AFG2A: variants seen among roughly 807,000 people sequenced by gnomAD.
AFG2A encodes the protein ATPase family gene 2 protein homolog A.
the AFG2A span, among the ~76,000 whole-genome samples, chr4:122,968,208 T>A: frequency 6.6e-6 from 1 of 152,234 alleles, no homozygotes; most frequent in African/African-American, 2.4e-5. Flanking sequence ...TCAATGTTAT[T>A]TAAACCAGCT....
the AFG2A span, among the ~76,000 whole-genome samples, chr4:123,065,865 G>A: frequency 6.6e-6 from 1 of 152,048 alleles, no homozygotes; most frequent in Non-Finnish European, 1.5e-5. Flanking sequence ...TTAGGAGATA[G>A]GGAAATGATT....
At chr4:123,136,681 A>AT in the AFG2A span, among the ~76,000 whole-genome samples, 6 of 151,326 alleles carry the variant, frequency 4.0e-5, no homozygotes, top group African/African-American at 1.5e-4. Context: ...TCTCAAAAAA[A>AT]AAAAATATAT....
the AFG2A span, among the ~76,000 whole-genome samples, chr4:122,972,616 A>G: frequency 6.7e-6 from 1 of 149,960 alleles, no homozygotes; most frequent in Admixed American, 6.7e-5. Flanking sequence ...ACAGATTTTC[A>G]TATTATATTT....
the AFG2A span, among the ~76,000 whole-genome samples, chr4:123,287,304 G>C: frequency 2.0e-5 from 3 of 152,082 alleles, no homozygotes; most frequent in African/African-American, 7.2e-5. Context: ...TTTGTGGAAG[G>C]CTGGCCAAGA....
chr4:123,160,972 T>C, the AFG2A span, among the ~76,000 whole-genome samples: 1 of 152,206 alleles, frequency 6.6e-6, no homozygotes, highest in East Asian at 1.9e-4. Context: ...CTCTCAAAAT[T>C]TCTTATTGTA....
the AFG2A span, chr4:123,090,718 G>T: frequency 6.2e-7 from 1 of 1,604,144 alleles, no homozygotes; most frequent in African/African-American, 1.3e-5. Flanking sequence ...AAGAGAGAAG[G>T]CATTGTGGAT....
the AFG2A span, among the ~76,000 whole-genome samples, chr4:122,950,938 G>C: frequency 6.6e-6 from 1 of 152,196 alleles, no homozygotes; most frequent in African/African-American, 2.4e-5. Context: ...ATAGTGGCAG[G>C]CTCCAATTCT....
chr4:123,046,983 T>C, the AFG2A span, among the ~76,000 whole-genome samples: 2 of 152,224 alleles, frequency 1.3e-5, no homozygotes, highest in African/African-American at 4.8e-5. Context: ...ATTTTTTTAA[T>C]GGCTAAATAA....
chr4:123,155,507 G>A, the AFG2A span, among the ~76,000 whole-genome samples: 1 of 151,610 alleles, frequency 6.6e-6, no homozygotes, highest in Admixed American at 6.6e-5. Context: ...ATATGCAATT[G>A]GCCTTGTGTA....
the AFG2A span, among the ~76,000 whole-genome samples, chr4:123,186,911 A>T: frequency 6.6e-6 from 1 of 152,124 alleles, no homozygotes; most frequent in Non-Finnish European, 1.5e-5. Flanking sequence ...AGCTCTAATG[A>T]ATGCCACTAC....
At chr4:123,264,962 A>G in the AFG2A span, among the ~76,000 whole-genome samples, 3 of 152,148 alleles carry the variant, frequency 2.0e-5, no homozygotes, top group Admixed American at 1.3e-4. Context: ...CAGTCTGTCC[A>G]GAAAGCTGGG....
At chr4:123,232,983 C>T in the AFG2A span, among the ~76,000 whole-genome samples, 1 of 151,964 alleles carries the variant, frequency 6.6e-6, no homozygotes, top group Non-Finnish European at 1.5e-5. Flanking sequence ...AAGAAGACAC[C>T]AAACCGACCA....
At chr4:123,257,491 A>AT in the AFG2A span, among the ~76,000 whole-genome samples, 1 of 152,200 alleles carries the variant, frequency 6.6e-6, no homozygotes, top group Non-Finnish European at 1.5e-5. Context: ...GTTGAGGAGT[A>AT]TTTGTATTTG....
At chr4:123,078,066 A>G in the AFG2A span, among the ~76,000 whole-genome samples, 2 of 152,228 alleles carry the variant, frequency 1.3e-5, no homozygotes, top group East Asian at 1.9e-4. Context: ...CGATTCCGTT[A>G]AAAGCAGGGA....
the AFG2A span, among the ~76,000 whole-genome samples, chr4:123,193,226 G>A: frequency 6.6e-6 from 1 of 152,156 alleles, no homozygotes; most frequent in Non-Finnish European, 1.5e-5. Context: ...ATTTCAGTAA[G>A]GCTGTTGTTT....
chr4:122,990,416 T>C, the AFG2A span, among the ~76,000 whole-genome samples: 2,165 of 152,346 alleles, frequency 0.014, 56 homozygotes, highest in African/African-American at 0.05. Flanking sequence ...GGCCTAGTTG[T>C]ATCCTTTACC....
the AFG2A span, among the ~76,000 whole-genome samples, chr4:122,948,387 TACACACACACACACACACACACAC>T: frequency 7.7e-6 from 1 of 129,618 alleles, no homozygotes; most frequent in South Asian, 2.8e-4. Context: ...CTCCAGAGTA[TACACACACACACACACACACACAC>T]ACACACACAC....
the AFG2A span, among the ~76,000 whole-genome samples, chr4:123,154,539 A>G: frequency 6.6e-6 from 1 of 152,218 alleles, no homozygotes; most frequent in Non-Finnish European, 1.5e-5. Flanking sequence ...AGATTTTAAG[A>G]GTAAAAACTG....
the AFG2A span, among the ~76,000 whole-genome samples, chr4:123,036,545 T>C: frequency 6.6e-6 from 1 of 151,972 alleles, no homozygotes; most frequent in Non-Finnish European, 1.5e-5. Context: ...TGGAAATCAG[T>C]GTTTGAGATT....
Sources: allele counts gnomAD v4.1 joint callset (sites outside exome capture counted in the v4.1 genomes callset), GRCh38; gene constraint gnomAD v4.1.1; transcripts MANE v1.5; gene names NCBI Gene and HGNC (gene_info 2026-07-23, HGNC 2026-07-21).